Variants in USP37 observed in about 807,000 individuals in gnomAD.
USP37 encodes ubiquitin carboxyl-terminal hydrolase 37.
A neutral mutation model predicts 124.0 loss-of-function variants in USP37; 27 were observed. That is an observed-to-expected ratio of 0.22 (90% CI 0.16 to 0.30). The LOEUF (loss-of-function observed/expected upper bound fraction) is 0.30, where lower values mean the gene tolerates loss of function less well. Among genes scored for constraint, USP37 ranks in the 10% least tolerant of loss-of-function variants. USP37 has a pLI of 1.00. For missense variants in USP37, 889 were observed against 1,140.4 expected (o/e 0.78, Z 3.17); for synonymous variants, 365 against 388.0 (o/e 0.94, Z 0.70).
chr2:218,498,006 G>A lies in USP37; in HGVS notation c.1157+20C>T. 1.3e-6 allele frequency: 2 copies of A among 1,591,116 alleles called. No individual in the cohort carries two copies. The highest frequency in any genetic ancestry group is 1.7e-6 in the Non-Finnish European group (2 of 1,171,622). ...AATGAAGTAAAAGGTTACTCAGTAA[G>A]TACAGTACATAATGATTACCTGATA... On this transcript the variant is annotated intron_variant, in intron 12 of 25. Coordinates refer to ENST00000258399, the MANE Select transcript of USP37 (RefSeq NM_020935.3).
chr2:218,537,556 G>A (rs1691723431), intron 8 of USP37, among the ~76,000 whole-genome samples: 1 of 152,190 alleles, frequency 6.6e-6, no homozygotes, highest in South Asian at 2.1e-4. Flanking sequence ...CCACCCAGGT[G>A]ACCATAAATT....
chr2:218,477,941 G>A (rs1691063355), intron 18 of USP37, among the ~76,000 whole-genome samples: 1 of 151,890 alleles, frequency 6.6e-6, no homozygotes, highest in African/African-American at 2.4e-5. Context: ...TTGTCTTCTA[G>A]GTAAGCCGAA....
At chr2:218,565,986 T>C (rs1574974247) in intron 1 of USP37, among the ~76,000 whole-genome samples, 1 of 151,954 alleles carries the variant, frequency 6.6e-6, no homozygotes. Flanking sequence ...GGGGCGGAGG[T>C]TGCAGTGAGC....
At chr2:218,566,458 T>C (rs1192511305) in intron 1 of USP37, among the ~76,000 whole-genome samples, 1 of 152,230 alleles carries the variant, frequency 6.6e-6, no homozygotes, top group Non-Finnish European at 1.5e-5. Flanking sequence ...CAAAAGGTTT[T>C]AAGCAAAGAA....
intron 5 of USP37, among the ~76,000 whole-genome samples, chr2:218,550,257 T>C (rs1017830746): frequency 6.6e-6 from 1 of 151,962 alleles, no homozygotes; most frequent in Non-Finnish European, 1.5e-5. Flanking sequence ...ACATGAACAC[T>C]GACACTGGAT....
At chr2:218,476,673 C>T (rs772251321) in intron 19 of USP37, among the ~76,000 whole-genome samples, 167 bp downstream of exon 19, 7 of 152,156 alleles carry the variant, frequency 4.6e-5, no homozygotes, top group African/African-American at 1.7e-4. Context: ...TTTAGAACAA[C>T]GAATTTCTCG....
At chr2:218,534,560 A>C in intron 9 of USP37, 49 bp downstream of exon 9, 1 of 1,139,298 alleles carries the variant, frequency 8.8e-7, no homozygotes. Context: ...CTAATCTAAT[A>C]AATATATAAT....
At chr2:218,488,849 G>A (rs1244098175) in intron 14 of USP37, among the ~76,000 whole-genome samples, 1 of 151,636 alleles carries the variant, frequency 6.6e-6, no homozygotes, top group Non-Finnish European at 1.5e-5. Context: ...TGGTTAGGCT[G>A]GTCTCGAACT....
intron 14 of USP37, among the ~76,000 whole-genome samples, chr2:218,492,276 T>C (rs1383116115): frequency 1.3e-5 from 2 of 152,078 alleles, no homozygotes; most frequent in African/African-American, 4.8e-5. Flanking sequence ...GAGGAAATGG[T>C]AAGTGCAAAG....
At chr2:218,489,491 A>G (rs186827501) in intron 14 of USP37, among the ~76,000 whole-genome samples, 1 of 151,296 alleles carries the variant, frequency 6.6e-6, no homozygotes, top group Non-Finnish European at 1.5e-5. Context: ...ACTATTTTTT[A>G]TTTTTTTGAG....
intron 11 of USP37, chr2:218,498,428 T>C (rs1300199407): frequency 4.7e-6 from 1 of 213,884 alleles, no homozygotes; most frequent in African/African-American, 2.3e-5. Flanking sequence ...ACTACTGCAT[T>C]ATGACATTAT....
chr2:218,511,033 G>A (rs1689955219), intron 10 of USP37, among the ~76,000 whole-genome samples: 2 of 152,016 alleles, frequency 1.3e-5, no homozygotes, highest in African/African-American at 4.8e-5. Flanking sequence ...TTACCAATAA[G>A]GAGACACTTG....
chr2:218,567,669 C>T (rs949513092), intron 1 of USP37, among the ~76,000 whole-genome samples: 2 of 152,202 alleles, frequency 1.3e-5, no homozygotes, highest in East Asian at 3.8e-4. Flanking sequence ...CATCAATCAT[C>T]ATTTCCTTTC....
chr2:218,467,325 A>ATCTG (rs1197742231), intron 20 of USP37, among the ~76,000 whole-genome samples: 1 of 149,154 alleles, frequency 6.7e-6, no homozygotes, highest in East Asian at 2.0e-4. Flanking sequence ...ATATCTATCT[A>ATCTG]TCTATCTATC....
intron 8 of USP37, among the ~76,000 whole-genome samples, chr2:218,536,210 A>G (rs1691637416): frequency 6.6e-6 from 1 of 152,134 alleles, no homozygotes; most frequent in African/African-American, 2.4e-5. Flanking sequence ...ATTTTCAAAT[A>G]CCTCAACCCA....
At chr2:218,483,604 A>AT (rs1445520391) in intron 16 of USP37, among the ~76,000 whole-genome samples, 1 of 151,822 alleles carries the variant, frequency 6.6e-6, no homozygotes, top group Non-Finnish European at 1.5e-5. Flanking sequence ...AAAAAAAAAA[A>AT]AAAGAAAAAA....
At chr2:218,499,099 C>A (rs1486944695) in intron 11 of USP37, among the ~76,000 whole-genome samples, 2 of 151,982 alleles carry the variant, frequency 1.3e-5, no homozygotes, top group Non-Finnish European at 2.9e-5. Context: ...ACGGTGAAAC[C>A]CTGTCTCTAC....
chr2:218,535,418 GA>G (rs1284433097), intron 8 of USP37, among the ~76,000 whole-genome samples: 1 of 141,988 alleles, frequency 7.0e-6, no homozygotes, highest in Non-Finnish European at 1.5e-5. Flanking sequence ...GGTTTACAAA[GA>G]AAAACAAATC....
chr2:218,542,470 CTTAG>C (rs142528206), intron 8 of USP37, among the ~76,000 whole-genome samples: 2,182 of 152,264 alleles, frequency 0.014, 47 homozygotes, highest in African/African-American at 0.044. Context: ...CCCTACATTT[CTTAG>C]TTAGTGTTCT....
Sources: allele counts gnomAD v4.1 joint callset (sites outside exome capture counted in the v4.1 genomes callset), GRCh38; gene constraint gnomAD v4.1.1; transcripts MANE v1.5; gene names NCBI Gene and HGNC (gene_info 2026-07-23, HGNC 2026-07-21).